Variants in PPM1H observed in about 807,000 individuals in gnomAD.
PPM1H encodes the protein protein phosphatase, Mg2+/Mn2+ dependent 1H.
In PPM1H, 27 loss-of-function variants were observed where a neutral mutation model predicts 54.9. That is an observed-to-expected ratio of 0.49 (90% CI 0.36 to 0.68). PPM1H has a LOEUF of 0.68. Among genes scored for constraint, PPM1H ranks in the 30% least tolerant of loss-of-function variants. The pLI is 0.00. For missense variants in PPM1H, 596 were observed against 667.8 expected (o/e 0.89, Z 1.19); for synonymous variants, 305 against 270.8 (o/e 1.13, Z -1.24).
intron 4 of PPM1H, among the ~76,000 whole-genome samples, chr12:62,771,728 T>A (rs374839770): frequency 6.6e-6 from 1 of 152,258 alleles, no homozygotes; most frequent in East Asian, 1.9e-4. Context: ...CAAGCACTTG[T>A]ATAAACATTT....
intron 4 of PPM1H, among the ~76,000 whole-genome samples, chr12:62,749,662 A>C (rs1436492294): frequency 6.6e-6 from 1 of 152,242 alleles, no homozygotes; most frequent in Non-Finnish European, 1.5e-5. Flanking sequence ...ATTTCTTGTC[A>C]TTCAATTTTC....
chr12:62,667,428 C>A, intron 8 of PPM1H, 99 bp from the exon 9 acceptor site: 2 of 1,124,536 alleles, frequency 1.8e-6, no homozygotes, highest in South Asian at 3.3e-5. Context: ...CCTGCCCAGC[C>A]TAGTGGTTTT....
intron 2 of PPM1H, among the ~76,000 whole-genome samples, chr12:62,829,745 T>C (rs1182428231): frequency 1.3e-5 from 2 of 152,224 alleles, no homozygotes. Context: ...CCAGTTTCAC[T>C]GTTCTTAAGG....
At chr12:62,871,233 GC>G (rs1869965667) in intron 1 of PPM1H, among the ~76,000 whole-genome samples, 1 of 152,136 alleles carries the variant, frequency 6.6e-6, no homozygotes, top group South Asian at 2.1e-4. Flanking sequence ...ACAGATCCAT[GC>G]TACAACATGG....
chr12:62,678,503 T>C (rs1592538599), intron 8 of PPM1H, among the ~76,000 whole-genome samples: 1 of 152,144 alleles, frequency 6.6e-6, no homozygotes, highest in South Asian at 2.1e-4. Flanking sequence ...TTTATTCAAA[T>C]AGCTGGTTGG....
At chr12:62,683,766 C>T (rs568053579) in intron 8 of PPM1H, among the ~76,000 whole-genome samples, 5 of 152,094 alleles carry the variant, frequency 3.3e-5, no homozygotes, top group Non-Finnish European at 7.4e-5. Context: ...TCCAAGAGCC[C>T]AAAATGGGGC....
At chr12:62,732,434 G>C (rs1360178096) in intron 5 of PPM1H, among the ~76,000 whole-genome samples, 1 of 152,158 alleles carries the variant, frequency 6.6e-6, no homozygotes, top group African/African-American at 2.4e-5. Context: ...GGATCAAAAT[G>C]GTTCATGTAG....
intron 5 of PPM1H, among the ~76,000 whole-genome samples, chr12:62,732,436 T>C (rs2120506325): frequency 6.6e-6 from 1 of 152,282 alleles, no homozygotes; most frequent in Middle Eastern, 3.4e-3. Flanking sequence ...ATCAAAATGG[T>C]TCATGTAGAA....
chr12:62,788,568 G>A (rs1171009547), intron 3 of PPM1H: 1 of 413,046 alleles, frequency 2.4e-6, no homozygotes, highest in Non-Finnish European at 4.3e-6. Flanking sequence ...ACAATAGACA[G>A]CAAACAGAAA....
chr12:62,909,279 CT>C (rs1187808982), intron 1 of PPM1H, among the ~76,000 whole-genome samples: 9 of 152,160 alleles, frequency 5.9e-5, no homozygotes, highest in Admixed American at 5.9e-4. Context: ...GCTTTTGCCC[CT>C]GCTAGCTACA....
chr12:62,765,366 T>C (rs571292740), intron 4 of PPM1H, among the ~76,000 whole-genome samples: 194 of 152,322 alleles, frequency 1.3e-3, no homozygotes, highest in South Asian at 7.9e-3. Flanking sequence ...AGAAGCCATC[T>C]CTGTCATTCA....
intron 1 of PPM1H, among the ~76,000 whole-genome samples, chr12:62,878,046 C>T (rs935431746): frequency 2.0e-5 from 3 of 152,066 alleles, no homozygotes; most frequent in Admixed American, 6.5e-5. Context: ...TACAGGCGCC[C>T]GCCACCACGC....
intron 6 of PPM1H, 114 bp downstream of exon 6, chr12:62,720,057 C>T: frequency 1.1e-6 from 1 of 895,980 alleles, no homozygotes; most frequent in Non-Finnish European, 1.8e-6. Context: ...TTACCACAAA[C>T]CCTGGTCTCT....
chr12:62,694,041 A>ACCTT (rs2076099347), intron 6 of PPM1H, 42 bp from the exon 7 acceptor site: 1 of 1,548,602 alleles, frequency 6.5e-7, no homozygotes, highest in African/African-American at 1.4e-5. Flanking sequence ...TTTGCACTCA[A>ACCTT]TTAGTGACCT....
At chr12:62,817,303 A>T (rs2076875794) in intron 2 of PPM1H, among the ~76,000 whole-genome samples, 1 of 151,570 alleles carries the variant, frequency 6.6e-6, no homozygotes, top group Non-Finnish European at 1.5e-5. Context: ...TCTACTAAAA[A>T]TACAAAAAAT....
chr12:62,811,716 T>G (rs2076836550), intron 2 of PPM1H, among the ~76,000 whole-genome samples: 1 of 152,182 alleles, frequency 6.6e-6, no homozygotes, highest in Non-Finnish European at 1.5e-5. Context: ...TCCCTCCCCT[T>G]TGCTCTGCAT....
intron 4 of PPM1H, among the ~76,000 whole-genome samples, chr12:62,779,238 G>A (rs762354386): frequency 1.3e-5 from 2 of 151,994 alleles, no homozygotes; most frequent in East Asian, 1.9e-4. Flanking sequence ...TAGTAGAGAC[G>A]GGGTTTCACC....
At chr12:62,915,786 T>C (rs1353704282) in intron 1 of PPM1H, among the ~76,000 whole-genome samples, 1 of 152,162 alleles carries the variant, frequency 6.6e-6, no homozygotes, top group Non-Finnish European at 1.5e-5. Context: ...GAAGAACCAT[T>C]GTATGTCTAG....
At chr12:62,921,043 G>A (rs902297731) in intron 1 of PPM1H, among the ~76,000 whole-genome samples, 1 of 151,974 alleles carries the variant, frequency 6.6e-6, no homozygotes, top group African/African-American at 2.4e-5. Flanking sequence ...TCCTGCCTCA[G>A]CCTCCCAAGT....
Sources: allele counts gnomAD v4.1 joint callset (sites outside exome capture counted in the v4.1 genomes callset), GRCh38; gene constraint gnomAD v4.1.1; transcripts MANE v1.5; gene names NCBI Gene and HGNC (gene_info 2026-07-23, HGNC 2026-07-21).